The following PPP1R14C variants were observed in gnomAD, a reference collection of about 807,000 sequenced individuals.
PPP1R14C encodes protein phosphatase 1 regulatory inhibitor subunit 14C.
PPP1R14C carries 16 observed loss-of-function variants against 20.4 expected under a neutral mutation model. The ratio of observed to expected loss-of-function variants is 0.78; its 90% CI spans 0.53 to 1.19. The LOEUF is 1.19. Among genes scored for constraint, PPP1R14C ranks in the 50% most tolerant of loss-of-function variants. PPP1R14C has a pLI of 0.00. For synonymous variants in PPP1R14C, 91 were observed against 91.0 expected, an observed-to-expected ratio of 1.00 and a Z score of 0.00; for missense variants, 211 against 220.1, an observed-to-expected ratio of 0.96 and a Z score of 0.26.
intron 3 of PPP1R14C, among the ~76,000 whole-genome samples, chr6:150,243,089 C>G (rs1778450974): frequency 6.6e-6 from 1 of 151,840 alleles, no homozygotes; most frequent in African/African-American, 2.4e-5. Flanking sequence ...GTTGAGATGT[C>G]AGTTCTCCCC....
intron 2 of PPP1R14C, 109 bp downstream of exon 2, chr6:150,214,936 C>G (rs1208510594): frequency 5.3e-6 from 4 of 757,916 alleles, no homozygotes; most frequent in Non-Finnish European, 6.6e-6. Flanking sequence ...GTGTTGGCAC[C>G]AGGACCTGGG....
At chr6:150,206,788 A>G (rs1046269784) in intron 1 of PPP1R14C, among the ~76,000 whole-genome samples, 1 of 151,896 alleles carries the variant, frequency 6.6e-6, no homozygotes, top group African/African-American at 2.4e-5. Flanking sequence ...ATTATGTAAA[A>G]CATTCCTTCA....
In PPP1R14C at chr6:150,216,874, C is replaced by T. The variant is rs753902524; in HGVS notation, c.423+18C>T. ...CAACAGAGGTAAGCAAATCACTTTT[C>T]CTAAATGCCATGTTTGAACTGGTTT... On this transcript the variant is annotated intron_variant, in intron 3 of 3. Coordinates refer to ENST00000361131, the MANE Select transcript of PPP1R14C (RefSeq NM_030949.3). The T allele has an allele frequency of 2.5e-6, 4 of 1,593,798 alleles. No homozygotes were observed. The highest frequency in any genetic ancestry group is 4.5e-5 in the East Asian group (2 of 44,472).
At chr6:150,188,482 CTT>C (rs753993224) in intron 1 of PPP1R14C, among the ~76,000 whole-genome samples, 11,729 of 104,468 alleles carry the variant, frequency 0.11, 499 homozygotes, top group East Asian at 0.38. Flanking sequence ...CAGGAATTAC[CTT>C]TTTTTTTTTT....
chr6:150,167,664 C>T (rs545553954), intron 1 of PPP1R14C, among the ~76,000 whole-genome samples: 8 of 151,990 alleles, frequency 5.3e-5, no homozygotes, highest in Non-Finnish European at 1.0e-4. Context: ...ATAAAAAGCT[C>T]GGAAGACCAG....
rs1417626713 is a variant in PPP1R14C, at chr6:150,201,799, C to T, written c.307-12945C>T. ...CACTAGGGGGGCAGTGGAGGTGGTACAAAGTGCAGGTTCAGGAGACGGTAA... is the reference window on the plus strand; with the variant it reads ...CACTAGGGGGGCAGTGGAGGTGGTATAAAGTGCAGGTTCAGGAGACGGTAA... On this transcript the variant is annotated intron_variant, in intron 1 of 3. Transcript: ENST00000361131. This position sits in a 1 kb window ranked among gnomAD's most constrained non-coding sequence, Gnocchi z 4.2. Among the ~76,000 whole-genome samples, 2 of 151,998 alleles carry T rather than the reference C, an allele frequency of 1.3e-5. No individual in the cohort carries two copies.
chr6:150,222,494 C>G (rs1248246689), intron 3 of PPP1R14C, among the ~76,000 whole-genome samples: 1 of 152,168 alleles, frequency 6.6e-6, no homozygotes, highest in Non-Finnish European at 1.5e-5. Context: ...AGGATTCACT[C>G]TTGGTACTGT....
At chr6:150,173,685 G>A (rs7750147) in intron 1 of PPP1R14C, among the ~76,000 whole-genome samples, 27,917 of 151,898 alleles carry the variant, frequency 0.18, 2,964 homozygotes, top group Admixed American at 0.33. Flanking sequence ...TTTTCCTAAC[G>A]TGCTTTATCT....
At chr6:150,188,720 T>G (rs1436014642) in intron 1 of PPP1R14C, among the ~76,000 whole-genome samples, 2 of 151,752 alleles carry the variant, frequency 1.3e-5, no homozygotes, top group Non-Finnish European at 2.9e-5. Context: ...TCTCCTGACC[T>G]CATGATCCAC....
rs1261904273 is a variant in PPP1R14C, at chr6:150,143,370, C to T, written c.178C>T (p.Gln60Ter). The change falls in exon 1 of 4, where the codon CAG becomes TAG. Residue 60 changes from glutamine (Q) to a stop codon, truncating the protein, a stop_gained. Coordinates refer to ENST00000361131, the MANE Select transcript of PPP1R14C (RefSeq NM_030949.3). LOFTEE classifies it high-confidence loss of function. The surrounding 1 kb of genome is among the most constrained non-coding windows in gnomAD (Gnocchi z 5.6). ...CACGGCGGCCGCTGCAGGGCAGGTT[C>T]AGCAGCAACAGCAGCGGCGACACCA... ...VATAAAAGQV[Q>*]QQQQRRHQQG... 1.2e-6 allele frequency: 2 copies of T among 1,611,352 alleles called. No homozygotes were observed. The highest frequency in any genetic ancestry group is 1.1e-5 in the South Asian group (1 of 90,682).
At chr6:150,169,326 C>G (rs1777472511) in intron 1 of PPP1R14C, among the ~76,000 whole-genome samples, 1 of 152,174 alleles carries the variant, frequency 6.6e-6, no homozygotes, top group Non-Finnish European at 1.5e-5. Flanking sequence ...GTAACTGATT[C>G]TGTTGTCATG....
chr6:150,168,014 C>CT (rs1777449588), intron 1 of PPP1R14C, among the ~76,000 whole-genome samples: 1 of 310 alleles, frequency 3.2e-3, no homozygotes, highest in Non-Finnish European at 7.1e-3. Flanking sequence ...TGCTTTCCTC[C>CT]CACCCTTTCT....
At chr6:150,233,165 A>G (rs1208918982) in intron 3 of PPP1R14C, among the ~76,000 whole-genome samples, 8 of 152,198 alleles carry the variant, frequency 5.3e-5, no homozygotes, top group Non-Finnish European at 1.2e-4. Flanking sequence ...AGAGTGCCCC[A>G]AGGGGCCTGG....
intron 3 of PPP1R14C, among the ~76,000 whole-genome samples, chr6:150,247,498 T>G (rs2114936681): frequency 6.6e-6 from 1 of 152,310 alleles, no homozygotes; most frequent in South Asian, 2.1e-4. Flanking sequence ...TCTGATCGAT[T>G]TACAGGTCAT....
intron 1 of PPP1R14C, chr6:150,194,816 C>T (rs924723465): frequency 1.0e-6 from 1 of 985,260 alleles, no homozygotes; most frequent in African/African-American, 1.7e-5. Context: ...TCTTTAGCAT[C>T]TCAGTGAGTA....
chr6:150,186,533 T>C (rs758515039), intron 1 of PPP1R14C, among the ~76,000 whole-genome samples: 36 of 152,186 alleles, frequency 2.4e-4, no homozygotes, highest in Non-Finnish European at 3.8e-4. Context: ...ATTTTGACAA[T>C]CTGAAGCTGG....
At position 150,248,927 on chromosome 6, in the gene PPP1R14C, G is replaced by GTTT; in HGVS notation, c.*118_*120dup. ...AGGTGTCCTTATGAACAACGTTTTT[G>GTTT]TTTTTTTTTTTTTCTTTTTTGGTGT... On this transcript the variant is annotated 3_prime_UTR_variant, in exon 4 of 4. Transcript: ENST00000361131. 1.3e-4 allele frequency: 58 copies of GTTT among 445,504 alleles called. No individual in the cohort carries two copies. The highest frequency in any genetic ancestry group is 6.3e-4 in the South Asian group (12 of 19,078). 27.6% of individuals were successfully genotyped at this position (445,504 alleles called of 1,614,324 possible). A position where few individuals can be genotyped will look rare whatever the true frequency, so the allele number is the denominator to read the frequency against.
At chr6:150,208,593 C>T (rs991636076) in intron 1 of PPP1R14C, among the ~76,000 whole-genome samples, 13 of 152,174 alleles carry the variant, frequency 8.5e-5, no homozygotes, top group African/African-American at 2.9e-4. Flanking sequence ...AAAGTACCAG[C>T]TAATGAAACT....
intron 3 of PPP1R14C, 81 bp from the exon 4 acceptor site, chr6:150,248,665 G>T: frequency 1.1e-6 from 1 of 895,850 alleles, no homozygotes; most frequent in South Asian, 1.4e-5. Context: ...AACTGCAGTT[G>T]ACATCAATTA....
Sources: gnomAD v4.1 joint callset for allele counts (sites outside exome capture counted in the v4.1 genomes callset) on GRCh38, gnomAD v4.1.1 for gene constraint, Gnocchi (gnomAD v3.1) non-coding constraint, MANE v1.5 for transcripts, NCBI Gene and HGNC (gene_info 2026-07-23, HGNC 2026-07-21) for gene names.